The following ZNF469 variants were observed in gnomAD, a reference collection of about 807,000 sequenced individuals.
ZNF469 encodes zinc finger protein 469.
A neutral mutation model predicts 1.0 loss-of-function variants in ZNF469; 1 was observed. The ratio of observed to expected loss-of-function variants is 1.00; its 90% confidence interval spans 0.35 to 4.73. The LOEUF is 4.73. Among genes scored for constraint, ZNF469 ranks in the 30% most tolerant of loss-of-function variants. The probability of loss-of-function intolerance (pLI) is 0.16; values close to 1 mark genes in which losing one functional copy is unlikely to be tolerated. For missense variants in ZNF469, 6,100 were observed against 5,356.3 expected (o/e 1.14, Z -4.33); for synonymous variants, 2,703 against 2,363.4 (o/e 1.14, Z -4.17).
chr16:88,111,489 T>G, the ZNF469 span, among the ~76,000 whole-genome samples: 7 of 141,716 alleles, frequency 4.9e-5, no homozygotes, highest in Admixed American at 2.9e-4. Context: ...ATAGGTCTTA[T>G]GCATTTCTTC....
chr16:88,274,532 C>T, the ZNF469 span, among the ~76,000 whole-genome samples: 1 of 152,274 alleles, frequency 6.6e-6, no homozygotes, highest in Non-Finnish European at 1.5e-5. Flanking sequence ...AGCCCACCCT[C>T]TGCCTTCAGA....
At chr16:88,109,434 G>A in the ZNF469 span, among the ~76,000 whole-genome samples, 2 of 152,250 alleles carry the variant, frequency 1.3e-5, no homozygotes, top group African/African-American at 2.4e-5. Flanking sequence ...GGCAGCCTCC[G>A]ATGTCACGTG....
chr16:88,237,151 G>T, the ZNF469 span, among the ~76,000 whole-genome samples: 1,205 of 88,616 alleles, frequency 0.014, 19 homozygotes, highest in Non-Finnish European at 0.016. Context: ...CTCCTGCCAC[G>T]GACCCTCCCT....
chr16:88,380,566 GACGCCCTCACACAGACATGCACTCACAC>G (rs2092519552), upstream of ZNF469, among the ~76,000 whole-genome samples: 1 of 71,828 alleles, frequency 1.4e-5, no homozygotes, highest in African/African-American at 5.8e-5. Context: ...CTCACACACA[GACGCCCTCACACAGACATGCACTCACAC>G]ACATGCACTC....
At chr16:88,416,621 A>C (rs1035566589) in intron 1 of ZNF469, among the ~76,000 whole-genome samples, 2 of 152,216 alleles carry the variant, frequency 1.3e-5, no homozygotes, top group African/African-American at 4.8e-5. Flanking sequence ...TACCGTGAGA[A>C]ATTGCACGCA....
At chr16:88,110,062 C>G in the ZNF469 span, among the ~76,000 whole-genome samples, 3 of 152,256 alleles carry the variant, frequency 2.0e-5, no homozygotes, top group Non-Finnish European at 4.4e-5. Flanking sequence ...CCATTGGTGA[C>G]TCCTTTTTCC....
chr16:88,401,255 C>T (rs941429213), intron 1 of ZNF469, among the ~76,000 whole-genome samples: 12 of 152,222 alleles, frequency 7.9e-5, no homozygotes, highest in Non-Finnish European at 1.0e-4. Flanking sequence ...CCACGGGCAC[C>T]GTGCTGTCCA....
At chr16:88,318,759 G>A in the ZNF469 span, among the ~76,000 whole-genome samples, 2 of 152,230 alleles carry the variant, frequency 1.3e-5, no homozygotes, top group Admixed American at 6.5e-5. Context: ...ATGCTCCCTT[G>A]GAAAGCATGC....
chr16:88,178,162 C>T, the ZNF469 span: 1 of 152,224 alleles, frequency 6.6e-6, no homozygotes, highest in Non-Finnish European at 1.5e-5. Context: ...CATGGCCTGC[C>T]TGCTGTCATG....
At chr16:88,370,108 C>T in the ZNF469 span, among the ~76,000 whole-genome samples, 1 of 152,246 alleles carries the variant, frequency 6.6e-6, no homozygotes, top group African/African-American at 2.4e-5. Flanking sequence ...TGACCGCTGT[C>T]TGTCTTCCCA....
chr16:88,436,800 C>T lies in ZNF469; in HGVS notation c.9330C>T (p.Gly3110=), dbSNP rs1240475801. The change falls in exon 3 of 3, where the codon GGC becomes GGT. Residue 3110 remains glycine, a synonymous_variant. Coordinates refer to ENST00000565624, the MANE Select transcript of ZNF469 (RefSeq NM_001367624.2). Reference sequence around the variant, plus strand: ...AAGGCAGAGGCCGGCCGGCCAAGGGCAGGCGGGCCTCCTACAAGTGCAAAG... The same window carrying T: ...AAGGCAGAGGCCGGCCGGCCAAGGGTAGGCGGGCCTCCTACAAGTGCAAAG... The part of the protein sequence containing the change: ...RAQGRGRPAK[G]RRASYKCKVC... The T allele has an allele frequency of 1.6e-5, 24 of 1,542,452 alleles. No homozygotes were observed. Among genetic ancestry groups the T allele is most frequent in the African/African-American group, 2.7e-5 (2 of 73,156 alleles).
the ZNF469 span, among the ~76,000 whole-genome samples, chr16:88,188,580 A>G: frequency 6.6e-6 from 1 of 152,128 alleles, no homozygotes; most frequent in Admixed American, 6.5e-5. Context: ...GTCCTGTTCA[A>G]CCTGGGTCCC....
At chr16:88,139,020 T>G in the ZNF469 span, among the ~76,000 whole-genome samples, 3 of 152,260 alleles carry the variant, frequency 2.0e-5, no homozygotes, top group Admixed American at 2.0e-4. Flanking sequence ...ACAGACATTC[T>G]GGGTGAAATG....
chr16:88,437,372 G>GCCCGGGCCC lies in ZNF469; in HGVS notation c.9906_9914dup (p.Gly3303_Pro3305dup). 1 of 1,539,620 alleles carries GCCCGGGCCC rather than the reference G, an allele frequency of 6.5e-7. No homozygotes were observed. The highest frequency in any genetic ancestry group is 8.8e-7 in the Non-Finnish European group (1 of 1,142,082). On this transcript the variant is annotated inframe_insertion, in exon 3 of 3. Coordinates refer to ENST00000565624, the MANE Select transcript of ZNF469 (RefSeq NM_001367624.2). ...GCCACCGCCCTGGCTGACGCCGGCA[G>GCCCGGGCCC]CCCGGGCCCCCCCAGGACGACCCCC...
chr16:88,399,108 G>T (rs1904783396), intron 1 of ZNF469, among the ~76,000 whole-genome samples: 2 of 152,250 alleles, frequency 1.3e-5, no homozygotes, highest in Admixed American at 6.5e-5. Flanking sequence ...CGCTTCGGCA[G>T]GTCTCACCTG....
chr16:88,424,202 C>T lies in ZNF469; in HGVS notation c.-191-605C>T, dbSNP rs968475602. ...GTGCTCTGCAGCCTGGATGCGAGGA[C>T]GAGTGGACAGAGAGTGAGAAACCTC... On this transcript the variant is annotated intron_variant, in intron 1 of 2. Transcript: ENST00000565624. This position sits in a 1 kb window ranked among gnomAD's most constrained non-coding sequence, Gnocchi z 4.3. Among the ~76,000 whole-genome samples the T allele has an allele frequency of 7.9e-5, 12 of 152,146 alleles. No individual in the cohort carries two copies. Among genetic ancestry groups the T allele is most frequent in the East Asian group, 1.9e-4 (1 of 5,186 alleles).
rs1388369614 is a variant in ZNF469, at chr16:88,432,860, G to T, written c.5390G>T (p.Gly1797Val). 6.5e-7 allele frequency: 1 copy of T among 1,550,236 alleles called. No individual in the cohort carries two copies. Among genetic ancestry groups the T allele is most frequent in the Non-Finnish European group, 8.7e-7 (1 of 1,146,948 alleles). The change falls in exon 3 of 3, where the codon GGC (glycine) becomes GTC (valine). Residue 1797 changes from glycine to valine, a missense_variant. Transcript: ENST00000565624. ...GGGGCCCCTGCTCCAGAAGCTTTTG[G>T]CAGCCCTGCTGTCCATCTGGCCCCT... ...HRGAPAPEAFGSPAVHLAPDL... is the reference protein window; with the variant it reads ...HRGAPAPEAFVSPAVHLAPDL...
At chr16:88,220,655 T>C in the ZNF469 span, among the ~76,000 whole-genome samples, 6 of 152,174 alleles carry the variant, frequency 3.9e-5, no homozygotes, top group East Asian at 9.6e-4. Context: ...CTGAGGAAGA[T>C]GAGGGAGAGG....
At chr16:88,254,960 C>A in the ZNF469 span, among the ~76,000 whole-genome samples, 1 of 152,164 alleles carries the variant, frequency 6.6e-6, no homozygotes, top group African/African-American at 2.4e-5. Flanking sequence ...TATACTTCTC[C>A]ATTTATTTAG....
Sources: allele counts gnomAD v4.1 joint callset (sites outside exome capture counted in the v4.1 genomes callset), GRCh38; gene constraint gnomAD v4.1.1; non-coding constraint Gnocchi (gnomAD v3.1); transcripts MANE v1.5; gene names NCBI Gene and HGNC (gene_info 2026-07-23, HGNC 2026-07-21).